RALGAPA1: variants seen among roughly 807,000 people sequenced by gnomAD.
The protein encoded by RALGAPA1 is Ral GTPase activating protein catalytic subunit alpha 1, also known as ral GTPase-activating protein subunit alpha-1.
Under a neutral mutation model 269.6 loss-of-function variants are expected in RALGAPA1, and 52 were observed. The observed-to-expected ratio is 0.19, with a 90% confidence interval of 0.15 to 0.24. The LOEUF (loss-of-function observed/expected upper bound fraction) is 0.24, where lower values mean the gene tolerates loss of function less well. Among genes scored for constraint, RALGAPA1 ranks in the 10% least tolerant of loss-of-function variants. The probability of loss-of-function intolerance (pLI) is 1.00; values close to 1 mark genes in which losing one functional copy is unlikely to be tolerated. For missense variants in RALGAPA1, 1,917 were observed against 3,013.9 expected (o/e 0.64, Z 8.52); for synonymous variants, 817 against 1,008.3 (o/e 0.81, Z 3.60).
chr14:35,539,853 A>AT lies in RALGAPA1; in HGVS notation c.*24-164dup, dbSNP rs2053807065. Among the ~76,000 whole-genome samples, 4 of 152,326 alleles carry AT rather than the reference A, an allele frequency of 2.6e-5. No homozygotes were observed. The South Asian group carries it at 8.3e-4, about 32-fold the overall frequency. On this transcript the variant is annotated intron_variant, in intron 41 of 41. Transcript: ENST00000680220. ...GCTTGTTACAATAGCCTACTAATGT[A>AT]TTTAAAACCCAGCAATCTGGTGGCT...
rs557251334 is a variant in RALGAPA1 at position 35,638,883 on chromosome 14, G to A, written c.5677-3285C>T. Among the ~76,000 whole-genome samples, 8 of 152,040 alleles carry A rather than the reference G, an allele frequency of 5.3e-5. No homozygotes were observed. The South Asian group carries it at 6.2e-4, about 12-fold the overall frequency. On this transcript the variant is annotated intron_variant, in intron 31 of 41. Coordinates refer to ENST00000680220, the MANE Select transcript of RALGAPA1 (RefSeq NM_001346249.2). ...AGAGGTTGCAGTGAGCTGAGATTGCGCCGCTGCACTCCAGCCTGGGTGACA... is the reference window on the plus strand; with the variant it reads ...AGAGGTTGCAGTGAGCTGAGATTGCACCGCTGCACTCCAGCCTGGGTGACA...
At chr14:35,637,808 T>C (rs528534473) in intron 31 of RALGAPA1, among the ~76,000 whole-genome samples, 2 of 152,020 alleles carry the variant, frequency 1.3e-5, no homozygotes, top group African/African-American at 2.4e-5. Flanking sequence ...AAAAGGATTA[T>C]AAAAGCAGCA....
chr14:35,698,869 A>G (rs2067113229), intron 17 of RALGAPA1, among the ~76,000 whole-genome samples: 1 of 152,222 alleles, frequency 6.6e-6, no homozygotes, highest in African/African-American at 2.4e-5. Flanking sequence ...CACTAAAGAG[A>G]CAAAAATATC....
chr14:35,727,585 A>G (rs1181297381), intron 13 of RALGAPA1, among the ~76,000 whole-genome samples: 1 of 152,012 alleles, frequency 6.6e-6, no homozygotes, highest in Non-Finnish European at 1.5e-5. Context: ...CACCAATGAT[A>G]TATAATGTAC....
At chr14:35,609,701 C>T (rs1202561838) in intron 35 of RALGAPA1, among the ~76,000 whole-genome samples, 1 of 151,944 alleles carries the variant, frequency 6.6e-6, no homozygotes, top group Non-Finnish European at 1.5e-5. Flanking sequence ...GGTAGAAGAA[C>T]TGCTTGAGCC....
At chr14:35,772,010 G>C (rs1395603388) in intron 3 of RALGAPA1, among the ~76,000 whole-genome samples, 1 of 152,106 alleles carries the variant, frequency 6.6e-6, no homozygotes, top group African/African-American at 2.4e-5. Flanking sequence ...AGTTAATCAT[G>C]TGAAACTAGA....
intron 1 of RALGAPA1, among the ~76,000 whole-genome samples, chr14:35,801,803 T>C (rs1353795848): frequency 1.3e-5 from 2 of 151,950 alleles, no homozygotes; most frequent in African/African-American, 4.8e-5. Context: ...TATTATACAG[T>C]GAAAAAAATC....
chr14:35,673,889 T>C (rs1326062031), intron 24 of RALGAPA1, among the ~76,000 whole-genome samples: 1 of 152,178 alleles, frequency 6.6e-6, no homozygotes, highest in Admixed American at 6.5e-5. Context: ...GTCACAACTT[T>C]TAATACACAG....
In RALGAPA1 at chr14:35,539,606, C is replaced by T; in HGVS notation, c.*108G>A. The T allele has an allele frequency of 1.2e-6, 2 of 1,613,940 alleles. No individual in the cohort carries two copies. Among genetic ancestry groups the T allele is most frequent in the Non-Finnish European group, 1.7e-6 (2 of 1,180,022 alleles). ...CATGGACATGCGGCTTTTGCTAGTT[C>T]GAGGAGACATTGGAGAGGCCAGGTC... On this transcript the variant is annotated 3_prime_UTR_variant, in exon 42 of 42. Transcript: ENST00000680220.
intron 22 of RALGAPA1, 28 bp downstream of exon 22, chr14:35,677,922 A>C (rs1192247197): frequency 1.2e-6 from 2 of 1,605,666 alleles, no homozygotes; most frequent in East Asian, 4.5e-5. Flanking sequence ...AAAAGAAAAA[A>C]GGTAAATATC....
intron 3 of RALGAPA1, among the ~76,000 whole-genome samples, chr14:35,771,214 T>C (rs2074588121): frequency 6.6e-6 from 1 of 151,952 alleles, no homozygotes; most frequent in South Asian, 2.1e-4. Flanking sequence ...GCCAACATGG[T>C]GAAACCCTGT....
At chr14:35,762,189 G>GT (rs35859446) in intron 5 of RALGAPA1, among the ~76,000 whole-genome samples, 2 of 151,990 alleles carry the variant, frequency 1.3e-5, no homozygotes, top group Non-Finnish European at 2.9e-5. Context: ...AAGTACAACA[G>GT]TTTTTTCAAT....
At position 35,793,644 on chromosome 14, in the gene RALGAPA1, C is replaced by T. The variant is rs77571895; in HGVS notation, c.106+15086G>A. 5.1e-3 allele frequency among the ~76,000 whole-genome samples: 776 copies of T among 152,138 alleles called. 7 individuals are homozygous for T. The highest frequency in any genetic ancestry group is 0.018 in the African/African-American group (749 of 41,496). ...ATTTAGAATTAAAAAAATGTTTTAACCAAACACAACAACAACAAAGGGATG... is the reference window on the plus strand; with the variant it reads ...ATTTAGAATTAAAAAAATGTTTTAATCAAACACAACAACAACAAAGGGATG... On this transcript the variant is annotated intron_variant, in intron 1 of 41. Coordinates refer to ENST00000680220, the MANE Select transcript of RALGAPA1 (RefSeq NM_001346249.2).
At position 35,659,105 on chromosome 14, in the gene RALGAPA1, T is replaced by C. The variant is rs753398428; in HGVS notation, c.5387+33A>G. On this transcript the variant is annotated intron_variant, in intron 28 of 41. Transcript: ENST00000680220. Reference sequence around the variant, plus strand: ...AACTTCTAAACTTCCAAACACAAAATAGTTATACTCAGTCTAAGAATATCC... The same window carrying C: ...AACTTCTAAACTTCCAAACACAAAACAGTTATACTCAGTCTAAGAATATCC... 9.3e-6 allele frequency: 14 copies of C among 1,504,096 alleles called. No homozygotes were observed. The Admixed American group carries it at 9.9e-5, about 11-fold the overall frequency. The allele number at this position is 1,504,096 out of a possible 1,614,324, so 93.2% of individuals were successfully genotyped here.
At position 35,804,099 on chromosome 14, in the gene RALGAPA1, T is replaced by C. The variant is rs116668415; in HGVS notation, c.106+4631A>G. Among the ~76,000 whole-genome samples the C allele has an allele frequency of 2.1e-3, 297 of 141,376 alleles. 1 individual carries two copies. Among genetic ancestry groups the C allele is most frequent in the African/African-American group, 7.6e-3 (285 of 37,702 alleles). The allele number at this position is 141,376 out of a possible 152,430, so 92.7% of individuals were successfully genotyped here. On this transcript the variant is annotated intron_variant, in intron 1 of 41. Transcript: ENST00000680220. ...CCAACATGGCGAAACCCCATCTCTATTTAAGTACAAAAATTAGCCAGGCAT... is the reference window on the plus strand; with the variant it reads ...CCAACATGGCGAAACCCCATCTCTACTTAAGTACAAAAATTAGCCAGGCAT...
intron 12 of RALGAPA1, 87 bp from the exon 13 acceptor site, chr14:35,728,597 G>A (rs2070189506): frequency 7.1e-7 from 1 of 1,410,598 alleles, no homozygotes; most frequent in African/African-American, 1.4e-5. Flanking sequence ...TGATCACACT[G>A]TGGGTAAATT....
chr14:35,752,493 G>A (rs1380264211), intron 7 of RALGAPA1, among the ~76,000 whole-genome samples: 1 of 152,038 alleles, frequency 6.6e-6, no homozygotes, highest in Admixed American at 6.6e-5. Context: ...AAATACATAA[G>A]CATATGTGGC....
intron 1 of RALGAPA1, among the ~76,000 whole-genome samples, chr14:35,799,053 G>T (rs960295102): frequency 4.0e-5 from 6 of 151,398 alleles, no homozygotes; most frequent in Non-Finnish European, 7.4e-5. Context: ...TACTACATGG[G>T]TATGAGACTT....
intron 35 of RALGAPA1, among the ~76,000 whole-genome samples, chr14:35,620,574 T>C (rs1272200487): frequency 1.3e-5 from 2 of 152,006 alleles, no homozygotes; most frequent in South Asian, 2.1e-4. Flanking sequence ...GTCAAATTGT[T>C]CCTATTTGCA....
Sources: gnomAD v4.1 joint callset for allele counts (sites outside exome capture counted in the v4.1 genomes callset) on GRCh38, gnomAD v4.1.1 for gene constraint, MANE v1.5 for transcripts, NCBI Gene and HGNC (gene_info 2026-07-23, HGNC 2026-07-21) for gene names.